The following DPP6 variants were observed in gnomAD, a reference collection of about 807,000 sequenced individuals.
DPP6 encodes the protein A-type potassium channel modulatory protein DPP6.
DPP6 carries 69 observed loss-of-function variants against 122.6 expected under a neutral mutation model. The ratio of observed to expected loss-of-function variants is 0.56; its 90% CI spans 0.46 to 0.69. DPP6 has a LOEUF of 0.69. DPP6 is among the 30% of genes least tolerant of loss of function. The probability of loss-of-function intolerance (pLI) is 0.00; values close to 1 mark genes in which losing one functional copy is unlikely to be tolerated. For missense variants in DPP6, 928 were observed against 1,116.9 expected, an observed-to-expected ratio of 0.83 and a Z score of 2.41; for synonymous variants, 418 against 433.1, an observed-to-expected ratio of 0.97 and a Z score of 0.43.
intron 1 of DPP6, among the ~76,000 whole-genome samples, chr7:153,921,838 T>A (rs1800651647): frequency 6.6e-6 from 1 of 152,240 alleles, no homozygotes; most frequent in Admixed American, 6.5e-5. Context: ...TAAATTTTGA[T>A]TCAAGCAAAC....
At chr7:154,424,842 A>AT (rs1468591026) in intron 1 of DPP6, among the ~76,000 whole-genome samples, 37 of 152,318 alleles carry the variant, frequency 2.4e-4, no homozygotes, top group Non-Finnish European at 5.1e-4. Context: ...CTCATTTGCA[A>AT]GTTGAAGGCA....
Position 154,432,958 on chromosome 7 carries a change from G to A in DPP6, c.244-13256G>A, listed in dbSNP as rs187252377. The stretch of plus-strand genomic sequence containing the variant: ...CAGAATCTTGTTTCTAAATGGGCAT[G>A]TTTCTAAACTGGTCTATGATGTGCT... On this transcript the variant is annotated intron_variant, in intron 1 of 25. Transcript: ENST00000377770. Among the ~76,000 whole-genome samples the A allele has an allele frequency of 3.3e-5, 5 of 152,250 alleles. No individual in the cohort carries two copies. The East Asian group carries it at 9.7e-4, about 29-fold the overall frequency.
chr7:153,983,739 G>A (rs1796706348), intron 1 of DPP6, among the ~76,000 whole-genome samples: 1 of 151,922 alleles, frequency 6.6e-6, no homozygotes, highest in Non-Finnish European at 1.5e-5. Flanking sequence ...GCCTAGTATT[G>A]GGCTGGATAG....
At chr7:154,883,045 ACACATGCTCACACATT>A (rs386719800) in intron 21 of DPP6, among the ~76,000 whole-genome samples, 8 of 100,184 alleles carry the variant, frequency 8.0e-5, no homozygotes, top group African/African-American at 9.7e-5. Flanking sequence ...ATGCTCACAC[ACACATGCTCACACATT>A]CACACACATG....
intron 1 of DPP6, among the ~76,000 whole-genome samples, chr7:153,958,387 T>A (rs1795167657): frequency 6.6e-6 from 1 of 152,106 alleles, no homozygotes; most frequent in Non-Finnish European, 1.5e-5. Context: ...GAGGACCCCA[T>A]GCAGGAGCTG....
At chr7:153,838,017 TATTG>T in the DPP6 span, among the ~76,000 whole-genome samples, 7 of 152,074 alleles carry the variant, frequency 4.6e-5, no homozygotes, top group East Asian at 1.4e-3. Context: ...AGGCAGGTAT[TATTG>T]AAGCTAGTTT....
intron 1 of DPP6, among the ~76,000 whole-genome samples, chr7:154,162,260 G>A (rs1029469664): frequency 1.3e-5 from 2 of 152,012 alleles, no homozygotes; most frequent in African/African-American, 4.8e-5. Flanking sequence ...GTCTAGAACT[G>A]AGATTCACCA....
chr7:154,347,600 T>C (rs533155951), intron 1 of DPP6, among the ~76,000 whole-genome samples: 8 of 152,354 alleles, frequency 5.3e-5, no homozygotes, highest in South Asian at 2.1e-4. Flanking sequence ...CATATAAATA[T>C]GCCTATCTCC....
chr7:154,827,194 T>G (rs1800225054), intron 16 of DPP6, among the ~76,000 whole-genome samples: 1 of 149,898 alleles, frequency 6.7e-6, no homozygotes. Flanking sequence ...ATCCACCCCC[T>G]CCCAGACACA....
chr7:154,209,284 CCTT>C (rs1219095739), intron 1 of DPP6, among the ~76,000 whole-genome samples: 1 of 152,228 alleles, frequency 6.6e-6, no homozygotes, highest in African/African-American at 2.4e-5. Flanking sequence ...TATTTATCCT[CCTT>C]CTCTTTCCAC....
chr7:154,067,907 GTTTT>G (rs142049299), intron 1 of DPP6, among the ~76,000 whole-genome samples: 8 of 142,510 alleles, frequency 5.6e-5, no homozygotes, highest in South Asian at 2.2e-4. Context: ...GTTTTTTTTT[GTTTT>G]TTTTTTGTTT....
chr7:154,451,798 G>A (rs1049762645), intron 2 of DPP6, among the ~76,000 whole-genome samples: 12 of 152,212 alleles, frequency 7.9e-5, no homozygotes, highest in Non-Finnish European at 1.0e-4. Flanking sequence ...GCTGAGCCTT[G>A]CTTCACCTTT....
chr7:154,685,622 T>C (rs3807233), intron 7 of DPP6, among the ~76,000 whole-genome samples: 128,449 of 151,872 alleles, frequency 0.85, 54,447 homozygotes, highest in South Asian at 0.93. Context: ...TCTTAGATTA[T>C]ATTTTTAATC....
chr7:153,824,386 C>CAAAAAAA, the DPP6 span, among the ~76,000 whole-genome samples: 55 of 79,402 alleles, frequency 6.9e-4, no homozygotes, highest in South Asian at 1.1e-3. Context: ...GAGTCTGTCT[C>CAAAAAAA]AAAAAAAAAA....
chr7:154,881,574 G>A (rs951375868), intron 21 of DPP6, among the ~76,000 whole-genome samples: 7 of 152,204 alleles, frequency 4.6e-5, no homozygotes, highest in Non-Finnish European at 7.3e-5. Flanking sequence ...GGTCGGTATA[G>A]ACCCATCTTC....
At chr7:154,676,936 G>C (rs1352875499) in intron 7 of DPP6, among the ~76,000 whole-genome samples, 1 of 152,168 alleles carries the variant, frequency 6.6e-6, no homozygotes, top group Admixed American at 6.5e-5. Context: ...AGTTGTGGGG[G>C]GAAGAAAGAA....
chr7:154,855,971 C>T (rs1802798362), intron 17 of DPP6, among the ~76,000 whole-genome samples: 2 of 152,148 alleles, frequency 1.3e-5, no homozygotes, highest in Admixed American at 6.5e-5. Context: ...CAATGGAGCT[C>T]ACAGCATTGC....
chr7:154,109,651 T>C (rs879036984), intron 1 of DPP6, among the ~76,000 whole-genome samples: 2 of 152,158 alleles, frequency 1.3e-5, no homozygotes, highest in Admixed American at 1.3e-4. Context: ...TGCTCACAAA[T>C]ATTTTATTGA....
intron 1 of DPP6, among the ~76,000 whole-genome samples, chr7:154,017,717 AATAAAAAAAT>A (rs1311601697): frequency 8.3e-6 from 1 of 121,174 alleles, no homozygotes; most frequent in African/African-American, 4.0e-5. Flanking sequence ...ATAAAAAAAA[AATAAAAAAAT>A]AAAAAAAAAA....
Sources: gnomAD v4.1 joint callset for allele counts (sites outside exome capture counted in the v4.1 genomes callset) on GRCh38, gnomAD v4.1.1 for gene constraint, MANE v1.5 for transcripts, NCBI Gene and HGNC (gene_info 2026-07-23, HGNC 2026-07-21) for gene names.